GLI2: variants seen among roughly 807,000 people sequenced by gnomAD.
GLI2 encodes the protein transcription activator GLI2.
In GLI2, 22 loss-of-function variants were observed where a neutral mutation model predicts 78.9. That is an observed-to-expected ratio of 0.28 (90% confidence interval 0.20 to 0.40). GLI2 has a LOEUF of 0.40. Among genes scored for constraint, GLI2 ranks in the 10% least tolerant of loss-of-function variants. GLI2 has a pLI of 1.00. For missense variants in GLI2, 2,097 were observed against 2,213.2 expected (o/e 0.95, Z 1.05); for synonymous variants, 974 against 963.7 (o/e 1.01, Z -0.20).
At chr2:120,894,701 C>CTT (rs35695421) in intron 2 of GLI2, among the ~76,000 whole-genome samples, 4 of 137,020 alleles carry the variant, frequency 2.9e-5, no homozygotes, top group Middle Eastern at 3.8e-3. Context: ...TCTTTTCTTT[C>CTT]TTTTTTTTTT....
At chr2:120,756,903 G>A (rs180806632) in intron 1 of GLI2, among the ~76,000 whole-genome samples, 1 of 152,144 alleles carries the variant, frequency 6.6e-6, no homozygotes, top group Non-Finnish European at 1.5e-5. Context: ...ATATTAGGCA[G>A]CTTGAAGTTA....
At chr2:120,962,277 G>A (rs186032107) in intron 5 of GLI2, among the ~76,000 whole-genome samples, 3 of 152,254 alleles carry the variant, frequency 2.0e-5, no homozygotes, top group Non-Finnish European at 4.4e-5. Context: ...TCTCCCTCCT[G>A]AGCACCTTGG....
At chr2:120,929,014 CA>C (rs1201200621) in intron 3 of GLI2, among the ~76,000 whole-genome samples, 6 of 152,268 alleles carry the variant, frequency 3.9e-5, no homozygotes, top group Admixed American at 3.3e-4. Flanking sequence ...ACTCCTTCGT[CA>C]TCTCCTGTCT....
intron 3 of GLI2, among the ~76,000 whole-genome samples, chr2:120,935,534 G>A (rs1042311246): frequency 6.6e-6 from 1 of 152,178 alleles, no homozygotes; most frequent in Non-Finnish European, 1.5e-5. Context: ...GCAGTAGCAG[G>A]AGTCTGTGCC....
At chr2:120,809,555 A>C (rs1210106885) in intron 2 of GLI2, among the ~76,000 whole-genome samples, 4 of 151,682 alleles carry the variant, frequency 2.6e-5, no homozygotes, top group Non-Finnish European at 5.9e-5. Flanking sequence ...GGGAGGGAGG[A>C]GAAAGAAAGG....
intron 2 of GLI2, among the ~76,000 whole-genome samples, chr2:120,852,039 G>C (rs1687429906): frequency 6.6e-6 from 1 of 152,194 alleles, no homozygotes; most frequent in Non-Finnish European, 1.5e-5. Flanking sequence ...AGTGAGCTGA[G>C]ACTGGAAAGG....
intron 4 of GLI2, 89 bp from the exon 5 acceptor site, chr2:120,955,153 CTTT>C (rs869202442): frequency 3.1e-3 from 450 of 146,726 alleles, no homozygotes; most frequent in African/African-American, 0.019. Context: ...TTCTCTCTGC[CTTT>C]TTTTTTTTTT....
intron 1 of GLI2, among the ~76,000 whole-genome samples, chr2:120,755,443 A>C (rs894238248): frequency 6.6e-6 from 1 of 152,058 alleles, no homozygotes; most frequent in Non-Finnish European, 1.5e-5. Flanking sequence ...TTTTTTTTTA[A>C]CATGGGTTGG....
intron 2 of GLI2, among the ~76,000 whole-genome samples, chr2:120,807,093 CAG>C (rs933458023): frequency 3.3e-5 from 5 of 152,124 alleles, no homozygotes; most frequent in African/African-American, 1.2e-4. Context: ...GCACTCAGAT[CAG>C]GGGGCTGGGG....
At chr2:120,959,802 C>T (rs149246894) in intron 5 of GLI2, among the ~76,000 whole-genome samples, 10 of 152,314 alleles carry the variant, frequency 6.6e-5, no homozygotes, top group Admixed American at 2.0e-4. Context: ...TGTGAATGAG[C>T]GTTTCCACTA....
rs150417879 is a variant in GLI2 at position 120,989,542 on chromosome 2, G to A, written c.3577G>A (p.Gly1193Arg). ...GCAGCCACACCTGCAGCCCCGCAGCGGAGCCCCCTCCCAGGGCATCCCCAG... is the reference window on the plus strand; with the variant it reads ...GCAGCCACACCTGCAGCCCCGCAGCAGAGCCCCCTCCCAGGGCATCCCCAG... ...STQPHLQPRS[G>R]APSQGIPRVN... The change falls in exon 14 of 14, where the codon GGA becomes AGA. Residue 1193 changes from glycine to arginine, a missense_variant. Around this residue, in one of 5 missense-constraint regions of GLI2, gnomAD observed 1,290 missense variants for 1,261.7 expected, o/e 1.02. Coordinates refer to ENST00000361492, the MANE Select transcript of GLI2 (RefSeq NM_001374353.1). The A allele has an allele frequency of 1.2e-5, 20 of 1,612,494 alleles. No individual in the cohort carries two copies. Among genetic ancestry groups the A allele is most frequent in the Admixed American group, 1.7e-5 (1 of 59,940 alleles).
rs151202353 is a variant in GLI2 at position 120,832,761 on chromosome 2, C to T, written c.148+35293C>T. Among the ~76,000 whole-genome samples, 455 of 152,206 alleles carry T rather than the reference C, an allele frequency of 3.0e-3. 6 individuals are homozygous for T. Among genetic ancestry groups the T allele is most frequent in the African/African-American group, 0.01 (425 of 41,534 alleles). ...TGCAGGCTGTGTGATGGGCAGGTCA[C>T]GTCACTCCCTGAGCCTTAGGCCATG... On this transcript the variant is annotated intron_variant, in intron 2 of 13. Transcript: ENST00000361492.
chr2:120,932,438 G>A (rs1294687618), intron 3 of GLI2, among the ~76,000 whole-genome samples: 1 of 152,130 alleles, frequency 6.6e-6, no homozygotes, highest in Admixed American at 6.5e-5. Context: ...GCTCCAGAGA[G>A]GTGTTCCCTG....
chr2:120,946,394 G>A (rs1280536069), intron 3 of GLI2, among the ~76,000 whole-genome samples: 2 of 152,176 alleles, frequency 1.3e-5, no homozygotes, highest in Admixed American at 6.5e-5. Flanking sequence ...TGTGCCACTG[G>A]TTGATTGTGC....
At chr2:120,795,099 T>C (rs1684326246) in intron 1 of GLI2, among the ~76,000 whole-genome samples, 1 of 152,178 alleles carries the variant, frequency 6.6e-6, no homozygotes, top group Non-Finnish European at 1.5e-5. Context: ...CCGAGTGTGG[T>C]AGTGTGCACC....
At chr2:120,857,415 GCCCA>G (rs1328937025) in intron 2 of GLI2, among the ~76,000 whole-genome samples, 5 of 29,740 alleles carry the variant, frequency 1.7e-4, no homozygotes, top group African/African-American at 6.0e-4. Context: ...CTACCCATCT[GCCCA>G]CCCACCCACC....
intron 1 of GLI2, 37 bp from the exon 2 acceptor site, chr2:120,797,254 G>A: frequency 3.2e-6 from 5 of 1,551,926 alleles, no homozygotes; most frequent in Non-Finnish European, 4.4e-6. Context: ...CTGGGTTTGG[G>A]CTCAGTGTTG....
In GLI2 at chr2:120,795,535, G is replaced by GA. The variant is rs34682755; in HGVS notation, c.-30-1743dup. On this transcript the variant is annotated intron_variant, in intron 1 of 13. Transcript: ENST00000361492. The stretch of plus-strand genomic sequence containing the variant: ...GAGACTCTATCTAAAATAAAAAAAT[G>GA]AAAAAAAAAAAAACAACATAAAACA... 6.8e-4 allele frequency among the ~76,000 whole-genome samples: 97 copies of GA among 142,762 alleles called. 1 individual carries two copies. The highest frequency in any genetic ancestry group is 2.5e-3 in the East Asian group (12 of 4,818). 93.7% of individuals were successfully genotyped at this position (142,762 alleles called of 152,430 possible).
intron 2 of GLI2, among the ~76,000 whole-genome samples, chr2:120,876,481 T>C (rs1482225471): frequency 1.3e-5 from 2 of 152,164 alleles, no homozygotes; most frequent in Non-Finnish European, 2.9e-5. Flanking sequence ...CTCACTGATA[T>C]TCTCCCAGCA....
Sources: allele counts gnomAD v4.1 joint callset (sites outside exome capture counted in the v4.1 genomes callset), GRCh38; gene constraint gnomAD v4.1.1; regional missense constraint gnomAD v4.1.1; transcripts MANE v1.5; gene names NCBI Gene and HGNC (gene_info 2026-07-23, HGNC 2026-07-21).